PLEKHA7: variants seen among roughly 807,000 people sequenced by gnomAD.
PLEKHA7 encodes the protein pleckstrin homology domain-containing family A member 7.
PLEKHA7 carries 104 observed loss-of-function variants against 170.0 expected under a neutral mutation model. The observed-to-expected ratio is 0.61, with a 90% CI of 0.52 to 0.72. The LOEUF is 0.72. PLEKHA7 is among the 30% of genes least tolerant of loss of function. The pLI is 0.00. For missense variants in PLEKHA7, 1,615 were observed against 1,671.7 expected, an observed-to-expected ratio of 0.97 and a Z score of 0.59; for synonymous variants, 648 against 660.8, an observed-to-expected ratio of 0.98 and a Z score of 0.30.
intron 3 of PLEKHA7, among the ~76,000 whole-genome samples, chr11:16,925,874 G>C (rs72865722): frequency 2.6e-5 from 4 of 152,198 alleles, no homozygotes. Context: ...TCCTTTCCTC[G>C]TAGAGGATGC....
chr11:16,883,589 T>C (rs1333571252), intron 3 of PLEKHA7, among the ~76,000 whole-genome samples: 4 of 152,198 alleles, frequency 2.6e-5, no homozygotes, highest in African/African-American at 9.7e-5. Flanking sequence ...TCCTTTCTTT[T>C]CTACCTCTGG....
rs1847885972 is a variant in PLEKHA7 at position 16,791,920 on chromosome 11, C to T, written c.2746-721G>A. ...TATCAACAGACCGGCCCCTGGTTGC[C>T]ATGAACACCCACTCGCAGGACTAAC... On this transcript the variant is annotated intron_variant, in intron 19 of 26. Coordinates refer to ENST00000531066, the MANE Select transcript of PLEKHA7 (RefSeq NM_001329630.2). This position sits in a 1 kb window ranked among gnomAD's most constrained non-coding sequence, Gnocchi z 4.5. Among the ~76,000 whole-genome samples, 1 of 152,164 alleles carries T rather than the reference C, an allele frequency of 6.6e-6. No homozygotes were observed. The highest frequency in any genetic ancestry group is 6.5e-5 in the Admixed American group (1 of 15,284).
chr11:16,925,519 C>T (rs564771958), intron 3 of PLEKHA7, among the ~76,000 whole-genome samples: 3 of 152,320 alleles, frequency 2.0e-5, no homozygotes, highest in African/African-American at 7.2e-5. Context: ...ACAGCGCGCA[C>T]ACACACCTGC....
intron 3 of PLEKHA7, among the ~76,000 whole-genome samples, chr11:16,965,190 G>T (rs1211306431): frequency 6.6e-6 from 1 of 151,940 alleles, no homozygotes; most frequent in African/African-American, 2.4e-5. Flanking sequence ...AGGTGTGGTA[G>T]CGCGTGCCTA....
intron 3 of PLEKHA7, among the ~76,000 whole-genome samples, chr11:16,886,873 G>GA (rs1176342268): frequency 6.6e-6 from 1 of 152,026 alleles, no homozygotes; most frequent in African/African-American, 2.4e-5. Context: ...TCTTACACAT[G>GA]AAAGGCAAGT....
intron 9 of PLEKHA7, among the ~76,000 whole-genome samples, chr11:16,838,688 GTTTTCT>G (rs1473383165): frequency 8.8e-6 from 1 of 113,620 alleles, no homozygotes; most frequent in African/African-American, 2.9e-5. Flanking sequence ...GAAATACACA[GTTTTCT>G]TTTTTTTTTT....
At chr11:16,869,015 A>G (rs1320171716) in intron 4 of PLEKHA7, among the ~76,000 whole-genome samples, 3 of 152,190 alleles carry the variant, frequency 2.0e-5, no homozygotes, top group African/African-American at 7.2e-5. Flanking sequence ...ACTTAATAAC[A>G]ACAGGCACCT....
At chr11:16,920,717 A>G (rs1306569324) in intron 3 of PLEKHA7, among the ~76,000 whole-genome samples, 3 of 152,210 alleles carry the variant, frequency 2.0e-5, no homozygotes, top group African/African-American at 7.2e-5. Context: ...GTTCCAGTAA[A>G]GTGACAGGAA....
intron 3 of PLEKHA7, among the ~76,000 whole-genome samples, chr11:16,901,909 A>C (rs758135901): frequency 1.5e-4 from 23 of 152,198 alleles, no homozygotes; most frequent in Non-Finnish European, 2.8e-4. Context: ...AATGGCTTTT[A>C]GTATACTGAG....
chr11:16,786,033 A>C (rs1056677200), intron 24 of PLEKHA7, among the ~76,000 whole-genome samples, 196 bp downstream of exon 24: 3 of 152,266 alleles, frequency 2.0e-5, no homozygotes, highest in African/African-American at 7.2e-5. Flanking sequence ...CCTAAATTAC[A>C]GAGAGTTTTG....
intron 3 of PLEKHA7, among the ~76,000 whole-genome samples, chr11:17,012,829 G>A (rs1173947060): frequency 6.6e-6 from 1 of 152,194 alleles, no homozygotes; most frequent in African/African-American, 2.4e-5. Flanking sequence ...ACACACATAT[G>A]AGGCAGGGCA....
At chr11:16,948,670 A>T (rs11822440) in intron 3 of PLEKHA7, among the ~76,000 whole-genome samples, 1 of 44,666 alleles carries the variant, frequency 2.2e-5, no homozygotes, top group East Asian at 2.8e-3. Flanking sequence ...ACACACACAC[A>T]CACAGACACC....
chr11:16,883,877 T>G (rs570077374), intron 3 of PLEKHA7, among the ~76,000 whole-genome samples: 1 of 152,318 alleles, frequency 6.6e-6, no homozygotes, highest in South Asian at 2.1e-4. Context: ...TAAAAAGCAG[T>G]TCCTTTTCCT....
intron 21 of PLEKHA7, chr11:16,790,555 G>A: frequency 1.9e-6 from 1 of 526,622 alleles, no homozygotes. Context: ...ACAGTGCCAG[G>A]CTTTCTAGTA....
intron 3 of PLEKHA7, among the ~76,000 whole-genome samples, chr11:16,935,219 G>A (rs1860203421): frequency 6.6e-6 from 1 of 152,260 alleles, no homozygotes; most frequent in Non-Finnish European, 1.5e-5. Context: ...CAGATCAACT[G>A]AGGTCAGAAG....
chr11:16,816,837 C>T lies in PLEKHA7; in HGVS notation c.1829G>A (p.Gly610Glu), dbSNP rs1407713427. Residue 610 changes from glycine (G) to glutamate (E), a missense_variant, in exon 11 of 27, where the codon GGG (glycine) becomes GAG (glutamate). By Grantham distance (98) the Gly-to-Glu change is moderately conservative. Coordinates refer to ENST00000531066, the MANE Select transcript of PLEKHA7 (RefSeq NM_001329630.2). Reference sequence around the variant, plus strand: ...GCCCCGTGCCCTCCTTGGAGAATCCCCCAGCGAGATGTCCACACTCCTCCT... The same window carrying T: ...GCCCCGTGCCCTCCTTGGAGAATCCTCCAGCGAGATGTCCACACTCCTCCT... ...DQRRSVDISL[G>E]DSPRRARGHA... The T allele has an allele frequency of 3.1e-6, 5 of 1,614,168 alleles. No individual in the cohort carries two copies. The East Asian group carries it at 8.9e-5, about 29-fold the overall frequency.
At chr11:17,012,275 C>T (rs890971266) in intron 3 of PLEKHA7, among the ~76,000 whole-genome samples, 1 of 151,550 alleles carries the variant, frequency 6.6e-6, no homozygotes, top group Admixed American at 6.6e-5. Flanking sequence ...CAAAGCTTTG[C>T]GGCATTTACC....
At chr11:16,877,010 C>A (rs1316752199) in intron 3 of PLEKHA7, among the ~76,000 whole-genome samples, 1 of 152,188 alleles carries the variant, frequency 6.6e-6, no homozygotes, top group Non-Finnish European at 1.5e-5. Context: ...TCTGCTCCGT[C>A]AGCACTAGCT....
chr11:16,882,695 C>T (rs1156295950), intron 3 of PLEKHA7, among the ~76,000 whole-genome samples: 5 of 152,190 alleles, frequency 3.3e-5, no homozygotes, highest in Admixed American at 2.6e-4. Flanking sequence ...ACACATTCAA[C>T]ACTTATTAAA....
Sources: gnomAD v4.1 joint callset for allele counts (sites outside exome capture counted in the v4.1 genomes callset) on GRCh38, gnomAD v4.1.1 for gene constraint, Gnocchi (gnomAD v3.1) non-coding constraint, MANE v1.5 for transcripts, NCBI Gene and HGNC (gene_info 2026-07-23, HGNC 2026-07-21) for gene names.